HTRA1: variants seen among roughly 807,000 people sequenced by gnomAD.
HTRA1 encodes serine protease HTRA1.
Under a neutral mutation model 49.7 loss-of-function variants are expected in HTRA1, and 26 were observed. The ratio of observed to expected loss-of-function variants is 0.52; its 90% CI spans 0.38 to 0.73. The LOEUF is 0.73. Ranked by LOEUF, HTRA1 falls within the 30% of genes least tolerant of loss-of-function variation. The pLI is 0.00. For synonymous variants in HTRA1, 291 were observed against 286.9 expected (o/e 1.01, Z -0.14); for missense variants, 561 against 667.2 (o/e 0.84, Z 1.75).
intron 1 of HTRA1, among the ~76,000 whole-genome samples, chr10:122,480,228 C>A (rs557119020): frequency 7.2e-5 from 11 of 152,044 alleles, no homozygotes; most frequent in African/African-American, 2.6e-4. Flanking sequence ...AAGGTGTGAC[C>A]TTTCTTAGTG....
At chr10:122,503,038 G>A (rs1015119545) in intron 3 of HTRA1, among the ~76,000 whole-genome samples, 3 of 152,250 alleles carry the variant, frequency 2.0e-5, no homozygotes, top group African/African-American at 7.2e-5. Context: ...AGATGGTGAA[G>A]TGGCCAAGGA....
intron 3 of HTRA1, among the ~76,000 whole-genome samples, chr10:122,491,600 G>A (rs972430312): frequency 6.6e-6 from 1 of 152,226 alleles, no homozygotes; most frequent in Non-Finnish European, 1.5e-5. Flanking sequence ...TCTGGCCGGG[G>A]GATATTCTTT....
intron 6 of HTRA1, among the ~76,000 whole-genome samples, chr10:122,509,399 T>C (rs917690336): frequency 2.6e-5 from 4 of 151,904 alleles, no homozygotes; most frequent in Non-Finnish European, 1.5e-5. Flanking sequence ...CAAGCTGAGG[T>C]CTGAGTGAGG....
intron 3 of HTRA1, among the ~76,000 whole-genome samples, chr10:122,497,485 C>A (rs2097499236): frequency 6.6e-6 from 1 of 152,190 alleles, no homozygotes; most frequent in East Asian, 1.9e-4. Context: ...GCCTTCAGGG[C>A]AGTTCAGCAG....
chr10:122,465,934 T>G (rs2097483581), intron 1 of HTRA1, among the ~76,000 whole-genome samples: 1 of 152,180 alleles, frequency 6.6e-6, no homozygotes. Context: ...CCATTTCTCC[T>G]GCTAGTACAT....
Position 122,506,073 on chromosome 10 carries a change from GGA to G in HTRA1, c.778-613_778-612del, listed in dbSNP as rs2097502906. On this transcript the variant is annotated intron_variant, in intron 3 of 8. Transcript: ENST00000368984. This position sits in a 1 kb window ranked among gnomAD's most constrained non-coding sequence, Gnocchi z 5.2. ...GCTGACAGAGGGCCGTTTCAGGAGA[GGA>G]GAGACAGCCTACCTATTCGGTCTTG... is the stretch of plus-strand genomic sequence containing the variant. Among the ~76,000 whole-genome samples the G allele has an allele frequency of 5.4e-5, 1 of 18,546 alleles. No individual in the cohort carries two copies. Among genetic ancestry groups the G allele is most frequent in the African/African-American group, 1.5e-4 (1 of 6,608 alleles). The allele number at this position is 18,546 out of a possible 152,430, so 12.2% of individuals were successfully genotyped here. A position where few individuals can be genotyped will look rare whatever the true frequency, so the allele number is the denominator to read the frequency against.
chr10:122,475,809 G>A (rs766428651), intron 1 of HTRA1, among the ~76,000 whole-genome samples: 3 of 152,204 alleles, frequency 2.0e-5, no homozygotes, highest in South Asian at 2.1e-4. Context: ...ATTAGAATGG[G>A]GGTCTGGTTT....
Position 122,489,610 on chromosome 10 carries a change from T to C in HTRA1, c.761T>C (p.Ile254Thr). The C allele has an allele frequency of 6.2e-7, 1 of 1,613,510 alleles. No homozygotes were observed. The highest frequency in any genetic ancestry group is 8.5e-7 in the Non-Finnish European group (1 of 1,179,908). ...DVDEKADIALIKIDHQGKLPV... is the reference protein window; with the variant it reads ...DVDEKADIALTKIDHQGKLPV... ...GATGAGAAAGCAGACATCGCACTCATCAAAATTGACCACCAGGTAAGGGTG... is the reference window on the plus strand; with the variant it reads ...GATGAGAAAGCAGACATCGCACTCACCAAAATTGACCACCAGGTAAGGGTG... The change falls in exon 3 of 9, where the codon ATC becomes ACC. Residue 254 changes from isoleucine (I) to threonine (T), a missense_variant. Ile to Thr is a moderately conservative substitution (Grantham distance 89). This residue lies in a region of HTRA1 where 271 missense variants were observed against 410.0 expected (regional missense o/e 0.66). Transcript: ENST00000368984.
Position 122,494,493 on chromosome 10 carries a change from C to T in HTRA1, c.777+4867C>T, listed in dbSNP as rs1205567180. On this transcript the variant is annotated intron_variant, in intron 3 of 8. Coordinates refer to ENST00000368984, the MANE Select transcript of HTRA1 (RefSeq NM_002775.5). This position sits in a 1 kb window ranked among gnomAD's most constrained non-coding sequence, Gnocchi z 4.0. ...ACACGTGGTCCTGTCAGGGCTACAG[C>T]AGGTCTATGGTCTTTGGTAACGGAA... 6.6e-6 allele frequency among the ~76,000 whole-genome samples: 1 copy of T among 152,222 alleles called. No individual in the cohort carries two copies. Among genetic ancestry groups the T allele is most frequent in the Non-Finnish European group, 1.5e-5 (1 of 68,044 alleles).
At position 122,462,083 on chromosome 10, in the gene HTRA1, G is replaced by C; in HGVS notation, c.431G>C (p.Arg144Pro). 6.5e-7 allele frequency: 1 copy of C among 1,535,114 alleles called. No individual in the cohort carries two copies. The highest frequency in any genetic ancestry group is 8.7e-7 in the Non-Finnish European group (1 of 1,147,112). The stretch of plus-strand genomic sequence containing the variant: ...AGCCGCCGCTCCGAGAGGCTGCACC[G>C]GCCGCCGGTCATCGTCCTGCAGCGC... ...AASRRSERLHRPPVIVLQRGA... is the reference protein window; with the variant it reads ...AASRRSERLHPPPVIVLQRGA... Residue 144 changes from arginine to proline, a missense_variant, in exon 1 of 9, where the codon CGG (arginine) becomes CCG (proline). Arg to Pro is a moderately radical substitution (Grantham distance 103). Coordinates refer to ENST00000368984, the MANE Select transcript of HTRA1 (RefSeq NM_002775.5).
In HTRA1 at chr10:122,461,979, C is replaced by T; in HGVS notation, c.327C>T (p.Leu109=). 1.3e-6 allele frequency: 2 copies of T among 1,520,192 alleles called. No homozygotes were observed. The highest frequency in any genetic ancestry group is 2.5e-5 in the East Asian group (1 of 39,388). The allele number at this position is 1,520,192 out of a possible 1,614,324, so 94.2% of individuals were successfully genotyped here. ...ATVRRRAQAG[L]CVCASSEPVC... ...TGCGGCGGCGCGCGCAGGCCGGCCT[C>T]TGTGTGTGCGCCAGCAGCGAGCCGG... is the stretch of plus-strand genomic sequence containing the variant. Residue 109 remains leucine, a synonymous_variant, in exon 1 of 9, where the codon CTC becomes CTT. Coordinates refer to ENST00000368984, the MANE Select transcript of HTRA1 (RefSeq NM_002775.5).
At chr10:122,489,080 T>C in intron 2 of HTRA1, 79 bp downstream of exon 2, 1 of 992,706 alleles carries the variant, frequency 1.0e-6, no homozygotes, top group Non-Finnish European at 1.6e-6. Flanking sequence ...ATTTTTGAGA[T>C]ACATTAAAGT....
chr10:122,478,212 G>C (rs887492224), intron 1 of HTRA1, among the ~76,000 whole-genome samples: 11 of 152,212 alleles, frequency 7.2e-5, no homozygotes, highest in Admixed American at 3.3e-4. Context: ...AACTGGAAGA[G>C]ACATTAGAAT....
chr10:122,478,646 C>G (rs1278994813), intron 1 of HTRA1, among the ~76,000 whole-genome samples: 2 of 145,996 alleles, frequency 1.4e-5, no homozygotes, highest in Non-Finnish European at 3.0e-5. Flanking sequence ...CCTGCCTTGG[C>G]CTCCCAAAGT....
At chr10:122,488,396 G>A (rs1404799119) in intron 1 of HTRA1, among the ~76,000 whole-genome samples, 2 of 151,946 alleles carry the variant, frequency 1.3e-5, no homozygotes, top group Non-Finnish European at 2.9e-5. Context: ...GGTGAAACCC[G>A]GTCCCTAGTA....
In HTRA1 at chr10:122,506,287, G is replaced by T. The variant is rs193281982; in HGVS notation, c.778-404G>T. On this transcript the variant is annotated intron_variant, in intron 3 of 8. Transcript: ENST00000368984. This position sits in a 1 kb window ranked among gnomAD's most constrained non-coding sequence, Gnocchi z 5.2. ...AGCTTGGGATCCTTCCCTGGGGCTT[G>T]GTTCTCTAGGGCCATCCCCAGCAGT... Among the ~76,000 whole-genome samples the T allele has an allele frequency of 1.3e-5, 2 of 152,268 alleles. No homozygotes were observed. Among genetic ancestry groups the T allele is most frequent in the Non-Finnish European group, 2.9e-5 (2 of 68,012 alleles).
In HTRA1 at chr10:122,494,127, C is replaced by T. The variant is rs1173836781; in HGVS notation, c.777+4501C>T. On this transcript the variant is annotated intron_variant, in intron 3 of 8. Transcript: ENST00000368984. The surrounding 1 kb of genome is among the most constrained non-coding windows in gnomAD (Gnocchi z 4.0). ...CATCACCCCAGGGACAACTGCATTCCACTCTTGGTTTTTCCCTCCTCGTCT... is the reference window on the plus strand; with the variant it reads ...CATCACCCCAGGGACAACTGCATTCTACTCTTGGTTTTTCCCTCCTCGTCT... Among the ~76,000 whole-genome samples the T allele has an allele frequency of 6.6e-6, 1 of 152,188 alleles. No individual in the cohort carries two copies. Among genetic ancestry groups the T allele is most frequent in the Non-Finnish European group, 1.5e-5 (1 of 68,042 alleles).
intron 3 of HTRA1, among the ~76,000 whole-genome samples, chr10:122,501,378 C>G (rs1776329220): frequency 6.6e-6 from 1 of 152,174 alleles, no homozygotes. Flanking sequence ...AACAAACAAA[C>G]AAACAAGCAA....
chr10:122,504,487 A>T (rs2097502232), intron 3 of HTRA1, among the ~76,000 whole-genome samples: 1 of 151,990 alleles, frequency 6.6e-6, no homozygotes, highest in Non-Finnish European at 1.5e-5. Flanking sequence ...CCCCTTCCTG[A>T]GTTGAGTTTG....
Sources: allele counts gnomAD v4.1 joint callset (sites outside exome capture counted in the v4.1 genomes callset), GRCh38; gene constraint gnomAD v4.1.1; regional missense constraint gnomAD v4.1.1; non-coding constraint Gnocchi (gnomAD v3.1); transcripts MANE v1.5; gene names NCBI Gene and HGNC (gene_info 2026-07-23, HGNC 2026-07-21).